The following CFAP73 variants were observed in gnomAD, a reference collection of about 807,000 sequenced individuals.
CFAP73 encodes cilia- and flagella-associated protein 73.
A neutral mutation model predicts 42.9 loss-of-function variants in CFAP73; 33 were observed. That is an observed-to-expected ratio of 0.77 (90% CI 0.58 to 1.03). The LOEUF (loss-of-function observed/expected upper bound fraction) is 1.03, where lower values mean the gene tolerates loss of function less well. Ranked by LOEUF, CFAP73 falls within the 50% of genes least tolerant of loss-of-function variation. CFAP73 has a pLI of 0.00. For missense variants in CFAP73, 392 were observed against 411.9 expected (o/e 0.95, Z 0.42); for synonymous variants, 162 against 186.8 (o/e 0.87, Z 1.08).
intron 5 of CFAP73, 140 bp from the exon 6 acceptor site, chr12:113,155,120 A>G: frequency 1.5e-6 from 1 of 668,268 alleles, no homozygotes; most frequent in Non-Finnish European, 2.3e-6. Flanking sequence ...CAGTGAGCTG[A>G]GATCAGGCCA....
rs1952095211 is a variant in CFAP73 at position 113,154,304 on chromosome 12, C to A, written c.469-110C>A. ...AACAAATGGAGGTTGACATTTAAGTCACTTTCCAGAAAGATTATTCCAATA... is the reference window on the plus strand; with the variant it reads ...AACAAATGGAGGTTGACATTTAAGTAACTTTCCAGAAAGATTATTCCAATA... On this transcript the variant is annotated intron_variant, in intron 4 of 7. Transcript: ENST00000335621. This position sits in a 1 kb window ranked among gnomAD's most constrained non-coding sequence, Gnocchi z 4.7. 3 of 1,321,600 alleles carry A rather than the reference C, an allele frequency of 2.3e-6. No individual in the cohort carries two copies. The highest frequency in any genetic ancestry group is 3.1e-6 in the Non-Finnish European group (3 of 960,004). 81.9% of individuals were successfully genotyped at this position (1,321,600 alleles called of 1,614,324 possible).
chr12:113,152,148 A>G (rs1321441048), intron 2 of CFAP73, 125 bp downstream of exon 2: 1 of 669,306 alleles, frequency 1.5e-6, no homozygotes, highest in African/African-American at 1.8e-5. Context: ...CTCATCGTCA[A>G]ATGGGGATCA....
At chr12:113,153,107 C>A in intron 3 of CFAP73, 101 bp from the exon 4 acceptor site, 1 of 1,281,970 alleles carries the variant, frequency 7.8e-7, no homozygotes, top group Non-Finnish European at 1.0e-6. Flanking sequence ...CTGCTGGCCG[C>A]CCCTGGTTTT....
In CFAP73 at chr12:113,153,303, C is replaced by T. The variant is rs1952083467; in HGVS notation, c.363C>T (p.Thr121=). Residue 121 remains threonine (T), a synonymous_variant, in exon 4 of 8, where the codon ACC becomes ACT. Transcript: ENST00000335621. ...RREVEALRLW[T]QLQELRREHA... ...AGGTGGAGGCGCTGCGTCTGTGGAC[C>T]CAGCTCCAGGAGCTACGGCGGGAAC... 2 of 1,520,158 alleles carry T rather than the reference C, an allele frequency of 1.3e-6. No homozygotes were observed. Among genetic ancestry groups the T allele is most frequent in the African/African-American group, 2.8e-5 (2 of 71,464 alleles). 94.2% of individuals were successfully genotyped at this position (1,520,158 alleles called of 1,614,324 possible). A position where few individuals can be genotyped will look rare whatever the true frequency, so the allele number is the denominator to read the frequency against.
In CFAP73 at chr12:113,154,043, T is replaced by TG. The variant is rs1335853431; in HGVS notation, c.469-365dup. On this transcript the variant is annotated intron_variant, in intron 4 of 7. Coordinates refer to ENST00000335621, the MANE Select transcript of CFAP73 (RefSeq NM_001144872.3). The surrounding 1 kb of genome is among the most constrained non-coding windows in gnomAD (Gnocchi z 4.7). Reference sequence around the variant, plus strand: ...GCTCACGCCTGTAATCCCAACACTTTGGGGGGCCAAGGCGGGAGGATTGCT... The same window carrying TG: ...GCTCACGCCTGTAATCCCAACACTTTGGGGGGGCCAAGGCGGGAGGATTGCT... Among the ~76,000 whole-genome samples the TG allele has an allele frequency of 1.3e-5, 2 of 151,666 alleles. No individual in the cohort carries two copies. Among genetic ancestry groups the TG allele is most frequent in the Admixed American group, 1.3e-4 (2 of 15,218 alleles).
chr12:113,159,185 C>G lies in CFAP73; in HGVS notation c.*496C>G, dbSNP rs1458110966. ...TCCCCTCCTCCCAGAAGCTTGCAGA[C>G]TCCTCCCCTGCCCCTACTCCTGTTC... On this transcript the variant is annotated 3_prime_UTR_variant, in exon 8 of 8. Coordinates refer to ENST00000335621, the MANE Select transcript of CFAP73 (RefSeq NM_001144872.3). The G allele has an allele frequency of 7.0e-7, 1 of 1,433,968 alleles. No homozygotes were observed. The highest frequency in any genetic ancestry group is 2.0e-5 in the Admixed American group (1 of 49,018). 88.8% of individuals were successfully genotyped at this position (1,433,968 alleles called of 1,614,324 possible).
Position 113,154,287 on chromosome 12 carries a change from G to A in CFAP73, c.469-127G>A, listed in dbSNP as rs372502375. 1.5e-4 allele frequency: 171 copies of A among 1,163,088 alleles called. 2 individuals are homozygous for A. In the South Asian group the frequency reaches 2.1e-3, roughly 15 times the overall value. 72.0% of individuals were successfully genotyped at this position (1,163,088 alleles called of 1,614,324 possible). On this transcript the variant is annotated intron_variant, in intron 4 of 7. Coordinates refer to ENST00000335621, the MANE Select transcript of CFAP73 (RefSeq NM_001144872.3). This position sits in a 1 kb window ranked among gnomAD's most constrained non-coding sequence, Gnocchi z 4.7. ...AGCGAGACCTTGTCTCTAACAAATGGAGGTTGACATTTAAGTCACTTTCCA... is the reference window on the plus strand; with the variant it reads ...AGCGAGACCTTGTCTCTAACAAATGAAGGTTGACATTTAAGTCACTTTCCA...
At position 113,154,546 on chromosome 12, in the gene CFAP73, G is replaced by C; in HGVS notation, c.601G>C (p.Ala201Pro). The change falls in exon 5 of 8, where the codon GCC (alanine) becomes CCC (proline). Residue 201 changes from alanine to proline, a missense_variant. Physicochemically the swap from Ala to Pro is conservative, Grantham distance 27. Coordinates refer to ENST00000335621, the MANE Select transcript of CFAP73 (RefSeq NM_001144872.3). The surrounding 1 kb of genome is among the most constrained non-coding windows in gnomAD (Gnocchi z 4.7). The part of the protein sequence containing the change: ...ARARLQQLRD[A>P]WPDEVLAQGQ... ...AGCGCGGCTGCAGCAGCTGCGGGAC[G>C]CCTGGCCGGACGAGGTGCTCGCACA... 6.8e-7 allele frequency: 1 copy of C among 1,474,824 alleles called. No individual in the cohort carries two copies. Among genetic ancestry groups the C allele is most frequent in the Non-Finnish European group, 8.9e-7 (1 of 1,122,608 alleles). The allele number at this position is 1,474,824 out of a possible 1,614,324, so 91.4% of individuals were successfully genotyped here. A position where few individuals can be genotyped will look rare whatever the true frequency, so the allele number is the denominator to read the frequency against.
Position 113,152,796 on chromosome 12 carries a change from A to G in CFAP73, c.176A>G (p.Lys59Arg), listed in dbSNP as rs1283503038. 3.9e-6 allele frequency: 6 copies of G among 1,551,516 alleles called. No homozygotes were observed. The highest frequency in any genetic ancestry group is 5.2e-6 in the Non-Finnish European group (6 of 1,146,954). ...CCTCACCCCCAGGTGTTCCGCACCA[A>G]GACGGCAGCCCTGAAACAGCGTTGG... Reference protein sequence around the residue: ...LQAQKEVFRTKTAALKQRWEQ... With the variant: ...LQAQKEVFRTRTAALKQRWEQ... Residue 59 changes from lysine to arginine, a missense_variant, in exon 3 of 8, where the codon AAG (lysine) becomes AGG (arginine). Coordinates refer to ENST00000335621, the MANE Select transcript of CFAP73 (RefSeq NM_001144872.3).
rs987309600 is a variant in CFAP73, at chr12:113,158,554, G to C, written c.*12-147G>C. The C allele has an allele frequency of 3.4e-6, 1 of 294,082 alleles. No individual in the cohort carries two copies. 18.2% of individuals were successfully genotyped at this position (294,082 alleles called of 1,614,324 possible). On this transcript the variant is annotated intron_variant, in intron 7 of 7. Transcript: ENST00000335621. The surrounding 1 kb of genome is among the most constrained non-coding windows in gnomAD (Gnocchi z 4.9). ...ATTGCCAAACCCTGAGGCACTCAGG[G>C]CTCTGACCGGTGCAGCCATGACCTC... is the stretch of plus-strand genomic sequence containing the variant.
chr12:113,154,278 T>C lies in CFAP73; in HGVS notation c.469-136T>C. On this transcript the variant is annotated intron_variant, in intron 4 of 7. Coordinates refer to ENST00000335621, the MANE Select transcript of CFAP73 (RefSeq NM_001144872.3). The surrounding 1 kb of genome is among the most constrained non-coding windows in gnomAD (Gnocchi z 4.7). ...AGGTGACAGAGCGAGACCTTGTCTCTAACAAATGGAGGTTGACATTTAAGT... is the reference window on the plus strand; with the variant it reads ...AGGTGACAGAGCGAGACCTTGTCTCCAACAAATGGAGGTTGACATTTAAGT... 1 of 1,106,692 alleles carries C rather than the reference T, an allele frequency of 9.0e-7. No homozygotes were observed. Among genetic ancestry groups the C allele is most frequent in the Non-Finnish European group, 1.3e-6 (1 of 771,760 alleles). 68.6% of individuals were successfully genotyped at this position (1,106,692 alleles called of 1,614,324 possible).
In CFAP73 at chr12:113,159,078, A is replaced by G. The variant is rs1592995004; in HGVS notation, c.*389A>G. ...TGAGTTCCGGGCGGACTCGGCCTGC[A>G]GGGGTGCCTGGGGCGTGGGGCCGGG... On this transcript the variant is annotated 3_prime_UTR_variant, in exon 8 of 8. Coordinates refer to ENST00000335621, the MANE Select transcript of CFAP73 (RefSeq NM_001144872.3). 1 of 1,607,082 alleles carries G rather than the reference A, an allele frequency of 6.2e-7. No individual in the cohort carries two copies. The highest frequency in any genetic ancestry group is 8.5e-7 in the Non-Finnish European group (1 of 1,177,610).
chr12:113,158,024 T>C lies in CFAP73; in HGVS notation c.*11+334T>C, dbSNP rs1952155595. 3.6e-6 allele frequency: 1 copy of C among 277,792 alleles called. No individual in the cohort carries two copies. Among genetic ancestry groups the C allele is most frequent in the African/African-American group, 2.1e-5 (1 of 46,870 alleles). The allele number at this position is 277,792 out of a possible 1,614,324, so 17.2% of individuals were successfully genotyped here. A position where few individuals can be genotyped will look rare whatever the true frequency, so the allele number is the denominator to read the frequency against. ...GTCTCAGAACAGGGTCCATGCTAGA[T>C]GAGAGATCACCAAGGCCCCCTCCAC... On this transcript the variant is annotated intron_variant, in intron 7 of 7. Coordinates refer to ENST00000335621, the MANE Select transcript of CFAP73 (RefSeq NM_001144872.3). The surrounding 1 kb of genome is among the most constrained non-coding windows in gnomAD (Gnocchi z 4.9).
chr12:113,153,972 T>C (rs1952091128), intron 4 of CFAP73, among the ~76,000 whole-genome samples: 1 of 151,834 alleles, frequency 6.6e-6, no homozygotes. Flanking sequence ...ATTTTACAGA[T>C]AGGAGAACTG....
At position 113,154,593 on chromosome 12, in the gene CFAP73, G is replaced by T; in HGVS notation, c.648G>T (p.Leu216=). ...VLAQGQRRAQ[L]QERLEAARER... is the part of the protein sequence containing the mutation. ...CACAGGGCCAGCGGCGGGCACAGCTGCAGGAGCGCCTGGAGGCTGCCAGGG... is the reference window on the plus strand; with the variant it reads ...CACAGGGCCAGCGGCGGGCACAGCTTCAGGAGCGCCTGGAGGCTGCCAGGG... The change falls in exon 5 of 8, where the codon CTG becomes CTT. Residue 216 remains leucine, a synonymous_variant. Coordinates refer to ENST00000335621, the MANE Select transcript of CFAP73 (RefSeq NM_001144872.3). This position sits in a 1 kb window ranked among gnomAD's most constrained non-coding sequence, Gnocchi z 4.7. 7.0e-7 allele frequency: 1 copy of T among 1,420,098 alleles called. No individual in the cohort carries two copies. Among genetic ancestry groups the T allele is most frequent in the Non-Finnish European group, 9.1e-7 (1 of 1,098,750 alleles). 88.0% of individuals were successfully genotyped at this position (1,420,098 alleles called of 1,614,324 possible).
chr12:113,153,950 A>G (rs1952091018), intron 4 of CFAP73, among the ~76,000 whole-genome samples: 1 of 151,674 alleles, frequency 6.6e-6, no homozygotes, highest in South Asian at 2.1e-4. Flanking sequence ...GTTATTGTCA[A>G]CTGTCCACCC....
chr12:113,152,500 G>A (rs142816401), intron 2 of CFAP73, among the ~76,000 whole-genome samples: 1 of 152,364 alleles, frequency 6.6e-6, no homozygotes, highest in East Asian at 1.9e-4. Context: ...ACAAAGACTG[G>A]TTGGAAGGCA....
At chr12:113,153,749 C>A (rs1200282628) in intron 4 of CFAP73, among the ~76,000 whole-genome samples, 4 of 152,164 alleles carry the variant, frequency 2.6e-5, no homozygotes, top group African/African-American at 9.6e-5. Flanking sequence ...CACGCCACCA[C>A]GCCTAGCTAT....
rs775351819 is a variant in CFAP73, at chr12:113,158,939, G to A, written c.*250G>A. Reference sequence around the variant, plus strand: ...GCACCCCGGCCGAAGGCGCCCTGCTGCAGCTCCTGGACGCGGCGGCGGTTG... The same window carrying A: ...GCACCCCGGCCGAAGGCGCCCTGCTACAGCTCCTGGACGCGGCGGCGGTTG... On this transcript the variant is annotated 3_prime_UTR_variant, in exon 8 of 8. Coordinates refer to ENST00000335621, the MANE Select transcript of CFAP73 (RefSeq NM_001144872.3). The surrounding 1 kb of genome is among the most constrained non-coding windows in gnomAD (Gnocchi z 4.9). 6.2e-7 allele frequency: 1 copy of A among 1,610,278 alleles called. No homozygotes were observed. Among genetic ancestry groups the A allele is most frequent in the South Asian group, 1.1e-5 (1 of 90,908 alleles).
Sources: gnomAD v4.1 joint callset for allele counts (sites outside exome capture counted in the v4.1 genomes callset) on GRCh38, gnomAD v4.1.1 for gene constraint, Gnocchi (gnomAD v3.1) non-coding constraint, MANE v1.5 for transcripts, NCBI Gene and HGNC (gene_info 2026-07-23, HGNC 2026-07-21) for gene names.